Variants in SAMD8 observed in about 807,000 individuals in gnomAD.
The protein encoded by SAMD8 is sphingomyelin synthase-related protein 1.
Under a neutral mutation model 42.0 loss-of-function variants are expected in SAMD8, and 20 were observed. The observed-to-expected ratio is 0.48, with a 90% CI of 0.34 to 0.69. The LOEUF is 0.69. Ranked by LOEUF, SAMD8 falls within the 30% of genes least tolerant of loss-of-function variation. The pLI is 0.01. For missense variants in SAMD8, 328 were observed against 511.6 expected (o/e 0.64, Z 3.46); for synonymous variants, 162 against 173.0 (o/e 0.94, Z 0.50).
At chr10:75,105,675 C>A (rs867841601) in intron 1 of SAMD8, 5 of 1,548,940 alleles carry the variant, frequency 3.2e-6, no homozygotes, top group Middle Eastern at 2.3e-4. Flanking sequence ...CCCCTCAGCT[C>A]TGGCCGGCAC....
intron 1 of SAMD8, among the ~76,000 whole-genome samples, chr10:75,146,432 C>G (rs1000740298): frequency 6.6e-6 from 1 of 151,814 alleles, no homozygotes; most frequent in African/African-American, 2.4e-5. Flanking sequence ...TTACAGGCAT[C>G]TGCCACCACA....
At chr10:75,145,913 T>G (rs930442817) in intron 1 of SAMD8, among the ~76,000 whole-genome samples, 1 of 152,180 alleles carries the variant, frequency 6.6e-6, no homozygotes, top group African/African-American at 2.4e-5. Flanking sequence ...GTACTTTTCT[T>G]GGCCTCATGT....
chr10:75,108,402 G>A (rs1021749586), upstream of SAMD8: 45 of 1,025,494 alleles, frequency 4.4e-5, 1 homozygote, highest in South Asian at 6.2e-4. Flanking sequence ...CTGAGCCGGC[G>A]GTGTGTGTGT....
intron 4 of SAMD8, among the ~76,000 whole-genome samples, chr10:75,169,095 G>T (rs1840766933): frequency 1.3e-5 from 2 of 150,202 alleles, no homozygotes; most frequent in Non-Finnish European, 3.0e-5. Flanking sequence ...GCTTGAACCC[G>T]GGAGGTGGAG....
At chr10:75,099,999 G>A (rs565690545) in intron 1 of SAMD8, among the ~76,000 whole-genome samples, 2 of 152,266 alleles carry the variant, frequency 1.3e-5, no homozygotes, top group African/African-American at 4.8e-5. Flanking sequence ...GAGTCCAACA[G>A]CCACACTGGT....
intron 1 of SAMD8, among the ~76,000 whole-genome samples, chr10:75,127,963 T>C (rs951050443): frequency 6.6e-6 from 1 of 152,212 alleles, no homozygotes; most frequent in African/African-American, 2.4e-5. Context: ...TACCGGTCTT[T>C]ACTGACAAAT....
intron 4 of SAMD8, among the ~76,000 whole-genome samples, chr10:75,174,153 G>A (rs1046701086): frequency 1.5e-4 from 23 of 152,036 alleles, no homozygotes; most frequent in Admixed American, 1.2e-3. Flanking sequence ...TCGCTCTGTC[G>A]CCCAGGCTAG....
chr10:75,161,610 A>C (rs1412754010), intron 2 of SAMD8, among the ~76,000 whole-genome samples: 1 of 152,174 alleles, frequency 6.6e-6, no homozygotes, highest in Non-Finnish European at 1.5e-5. Context: ...TTAAAAAAAA[A>C]CTTTCGTGTT....
intron 1 of SAMD8, among the ~76,000 whole-genome samples, chr10:75,115,535 C>T (rs1419740985): frequency 1.3e-5 from 2 of 152,190 alleles, no homozygotes; most frequent in African/African-American, 4.8e-5. Context: ...ACCCCCTCCT[C>T]CCATACACAC....
chr10:75,156,187 G>A (rs1426991020), intron 2 of SAMD8, among the ~76,000 whole-genome samples: 1 of 152,144 alleles, frequency 6.6e-6, no homozygotes, highest in Admixed American at 6.5e-5. Flanking sequence ...TCCAGCCTGG[G>A]CAACAAAGCG....
At chr10:75,129,329 C>A (rs1179666122) in intron 1 of SAMD8, among the ~76,000 whole-genome samples, 1 of 152,094 alleles carries the variant, frequency 6.6e-6, no homozygotes, top group Admixed American at 6.6e-5. Flanking sequence ...CAACCTCCAA[C>A]TCCCTGGTTC....
At position 75,178,062 on chromosome 10, in the gene SAMD8, T is replaced by C. The variant is rs1404627039; in HGVS notation, c.*1370T>C. On this transcript the variant is annotated 3_prime_UTR_variant, in exon 6 of 6. Coordinates refer to ENST00000542569, the MANE Select transcript of SAMD8 (RefSeq NM_001174156.2). ...GGTGCTGGCATTCTGAGGCCTGCAA[T>C]TAGGCCACATAGCAGAAGCTTGCTC... 1 of 152,214 alleles carries C rather than the reference T, an allele frequency of 6.6e-6. No homozygotes were observed. The highest frequency in any genetic ancestry group is 2.4e-5 in the African/African-American group (1 of 41,462). 9.4% of individuals were successfully genotyped at this position (152,214 alleles called of 1,614,324 possible).
intron 1 of SAMD8, among the ~76,000 whole-genome samples, chr10:75,148,476 C>G (rs1054109639): frequency 3.3e-5 from 5 of 151,510 alleles, no homozygotes; most frequent in African/African-American, 7.3e-5. Flanking sequence ...GCCTCAGCCT[C>G]CCAAGTAGCT....
intron 4 of SAMD8, chr10:75,175,848 C>T: frequency 1.0e-6 from 1 of 984,436 alleles, no homozygotes; most frequent in Non-Finnish European, 1.2e-6. Context: ...TGTGCCCAGT[C>T]TGATTTCATT....
intron 2 of SAMD8, among the ~76,000 whole-genome samples, chr10:75,163,215 G>A (rs1176567217): frequency 4.6e-5 from 7 of 152,040 alleles, no homozygotes; most frequent in South Asian, 2.1e-4. Context: ...GTGAGCCACC[G>A]TGCCCAGCCA....
upstream of SAMD8, chr10:75,108,142 T>C (rs1848629964): frequency 2.5e-6 from 4 of 1,613,134 alleles, no homozygotes; most frequent in Non-Finnish European, 3.4e-6. Flanking sequence ...TAGAGGCCCT[T>C]GTGGGCGGCG....
At chr10:75,173,838 T>C (rs1840925282) in intron 4 of SAMD8, among the ~76,000 whole-genome samples, 9 of 152,198 alleles carry the variant, frequency 5.9e-5, no homozygotes, top group Admixed American at 5.9e-4. Flanking sequence ...CTTTAAGACA[T>C]AGGGCTTTGG....
chr10:75,137,289 C>T (rs918661250), intron 1 of SAMD8, among the ~76,000 whole-genome samples: 1 of 152,136 alleles, frequency 6.6e-6, no homozygotes, highest in African/African-American at 2.4e-5. Context: ...CCTGTAATCC[C>T]AGCACTTTGG....
intron 1 of SAMD8, among the ~76,000 whole-genome samples, chr10:75,138,910 T>C (rs1258417643): frequency 6.6e-6 from 1 of 152,068 alleles, no homozygotes; most frequent in East Asian, 1.9e-4. Flanking sequence ...ATGACTGTTC[T>C]CTCAGCACCT....
Sources: allele counts gnomAD v4.1 joint callset (sites outside exome capture counted in the v4.1 genomes callset), GRCh38; gene constraint gnomAD v4.1.1; transcripts MANE v1.5; gene names NCBI Gene and HGNC (gene_info 2026-07-23, HGNC 2026-07-21).